Variants in RAET1E observed in about 807,000 individuals in gnomAD.
RAET1E encodes retinoic acid early transcript 1E, also known as NKG2D ligand 4.
In RAET1E, 27 loss-of-function variants were observed where a neutral mutation model predicts 21.1. The ratio of observed to expected loss-of-function variants is 1.28; its 90% CI spans 0.94 to 1.76. The LOEUF (loss-of-function observed/expected upper bound fraction) is 1.76, where lower values mean the gene tolerates loss of function less well. Among genes scored for constraint, RAET1E ranks in the 40% most tolerant of loss-of-function variants. The pLI is 0.00. For missense variants in RAET1E, 310 were observed against 311.3 expected (o/e 1.00, Z 0.03); for synonymous variants, 113 against 115.0 (o/e 0.98, Z 0.11).
In RAET1E at chr6:149,889,869, C is replaced by T. The variant is rs954640581; in HGVS notation, c.346+16G>A. On this transcript the variant is annotated intron_variant, in intron 4 of 5. Transcript: ENST00000357183. ...TTACTGCCTGCCTCTGTTTGCCCAC[C>T]CCATTCCACACTTACCACTGGTCTT... is the stretch of plus-strand genomic sequence containing the variant. The T allele has an allele frequency of 6.2e-7, 1 of 1,609,386 alleles. No homozygotes were observed. The highest frequency in any genetic ancestry group is 8.5e-7 in the Non-Finnish European group (1 of 1,176,590).
In RAET1E at chr6:149,890,992, G is replaced by C; in HGVS notation, c.-91C>G. ...AATGTTATCCAACAGCGTGGGTGTG[G>C]GCACTGCCCAAATTCTTTACCCTGG... On this transcript the variant is annotated 5_prime_UTR_variant, in exon 3 of 6. Transcript: ENST00000357183. The C allele has an allele frequency of 1.1e-6, 1 of 903,246 alleles. No individual in the cohort carries two copies. Among genetic ancestry groups the C allele is most frequent in the Middle Eastern group, 2.2e-4 (1 of 4,624 alleles). 56.0% of individuals were successfully genotyped at this position (903,246 alleles called of 1,614,324 possible).
intron 2 of RAET1E, among the ~76,000 whole-genome samples, chr6:149,893,329 A>G (rs149305536): frequency 0.014 from 2,105 of 152,274 alleles, 66 homozygotes; most frequent in African/African-American, 0.049. Context: ...CTTCCTATCC[A>G]TGAGCATGGA....
intron 3 of RAET1E, among the ~76,000 whole-genome samples, 199 bp downstream of exon 3, chr6:149,890,618 G>C (rs1654039293): frequency 6.6e-6 from 1 of 152,184 alleles, no homozygotes; most frequent in Non-Finnish European, 1.5e-5. Context: ...ACTGCCCTCT[G>C]TGAGCCAGTG....
rs568753926 is a variant in RAET1E, at chr6:149,892,101, G to A, written c.-133-1067C>T. Among the ~76,000 whole-genome samples, 3 of 152,296 alleles carry A rather than the reference G, an allele frequency of 2.0e-5. No homozygotes were observed. In the South Asian group the frequency reaches 6.2e-4, roughly 32 times the overall value. ...GCATAGTGTTCCATGGTGTATACGT[G>A]CCACATTTTCTTAATCTATCATTGA... On this transcript the variant is annotated intron_variant, in intron 2 of 5. Coordinates refer to ENST00000357183, the MANE Select transcript of RAET1E (RefSeq NM_001394057.1).
At chr6:149,890,590 G>T (rs901326653) in intron 3 of RAET1E, among the ~76,000 whole-genome samples, 2 of 152,122 alleles carry the variant, frequency 1.3e-5, no homozygotes, top group Admixed American at 6.5e-5. Context: ...AGTAGAAGGC[G>T]GGGGGTAGCA....
chr6:149,896,689 C>T lies in RAET1E; in HGVS notation c.-320-657G>A, dbSNP rs548231692. 7.9e-5 allele frequency among the ~76,000 whole-genome samples: 12 copies of T among 151,480 alleles called. No individual in the cohort carries two copies. The East Asian group carries it at 1.7e-3, about 22-fold the overall frequency. ...GTGCATGGGTGCTTGTGTGTGTGTG[C>T]GTGCATATGTGTGATATGACCACTG... On this transcript the variant is annotated intron_variant, in intron 1 of 5. Transcript: ENST00000357183.
At chr6:149,890,719 C>T (rs191117996) in intron 3 of RAET1E, 98 bp downstream of exon 3, 3 of 800,908 alleles carry the variant, frequency 3.7e-6, no homozygotes, top group South Asian at 2.9e-5. Context: ...AGAGCAGGCA[C>T]CCACTTGTCT....
intron 1 of RAET1E, among the ~76,000 whole-genome samples, chr6:149,896,896 T>A (rs1455963178): frequency 1.3e-5 from 2 of 152,168 alleles, no homozygotes; most frequent in Non-Finnish European, 2.9e-5. Context: ...CCACCTTTGT[T>A]GCCCTCTGTG....
rs933178824 is a variant in RAET1E at position 149,895,830 on chromosome 6, A to G, written c.-134+16T>C. The G allele has an allele frequency of 2.0e-5, 3 of 152,246 alleles. No homozygotes were observed. Among genetic ancestry groups the G allele is most frequent in the Non-Finnish European group, 4.4e-5 (3 of 68,046 alleles). 9.4% of individuals were successfully genotyped at this position (152,246 alleles called of 1,614,324 possible). ...AATAGACAAGGTGGCTGAAACACCA[A>G]GCATTTATTTCTTACCTTCCTGGAA... On this transcript the variant is annotated intron_variant, in intron 2 of 5. Coordinates refer to ENST00000357183, the MANE Select transcript of RAET1E (RefSeq NM_001394057.1).
In RAET1E at chr6:149,889,351, T is replaced by A; in HGVS notation, c.619A>T (p.Thr207Ser). The change falls in exon 5 of 6, where the codon ACA (threonine) becomes TCA (serine). Residue 207 changes from threonine (T) to serine (S), a missense_variant. Coordinates refer to ENST00000357183, the MANE Select transcript of RAET1E (RefSeq NM_001394057.1). Reference protein sequence around the residue: ...LGHWEAMPEPTVSPVNASDIH... With the variant: ...LGHWEAMPEPSVSPVNASDIH... ...TTCTCCCACCCAGCTCAGTTACCTG[T>A]CGGTTCTGGCATTGCCTCCCAGTGC... 3.7e-6 allele frequency: 6 copies of A among 1,614,076 alleles called. No individual in the cohort carries two copies. Among genetic ancestry groups the A allele is most frequent in the Non-Finnish European group, 5.1e-6 (6 of 1,179,984 alleles).
At chr6:149,889,116 C>A in intron 5 of RAET1E, 2 of 1,425,854 alleles carry the variant, frequency 1.4e-6, no homozygotes, top group Non-Finnish European at 1.8e-6. Context: ...GTCATTGTGA[C>A]TGGATCATTG....
chr6:149,891,869 C>A (rs1325734742), intron 2 of RAET1E, among the ~76,000 whole-genome samples: 1 of 152,078 alleles, frequency 6.6e-6, no homozygotes, highest in African/African-American at 2.4e-5. Flanking sequence ...CTAATGTTAC[C>A]CCTCTCCTAG....
At position 149,886,688 on chromosome 6, in the gene RAET1E, C is replaced by T. The variant is rs1777625403; in HGVS notation, c.*1810G>A. On this transcript the variant is annotated 3_prime_UTR_variant, in exon 6 of 6. Transcript: ENST00000357183. ...GGGATTACAGGAGTGAGCTATCACG[C>T]CCAGATGAGATTTATTTTATGATCC... is the stretch of plus-strand genomic sequence containing the variant. 6.6e-6 allele frequency among the ~76,000 whole-genome samples: 1 copy of T among 152,240 alleles called. No homozygotes were observed. The highest frequency in any genetic ancestry group is 2.4e-5 in the African/African-American group (1 of 41,470).
intron 1 of RAET1E, among the ~76,000 whole-genome samples, chr6:149,896,609 C>T (rs1031967304): frequency 2.6e-5 from 4 of 151,512 alleles, no homozygotes; most frequent in Non-Finnish European, 4.4e-5. Flanking sequence ...GGGACACCAG[C>T]GGGGGTGGGC....
At chr6:149,897,941 G>A (rs916499302) in intron 1 of RAET1E, 80 bp downstream of exon 1, 2 of 148,706 alleles carry the variant, frequency 1.3e-5, no homozygotes, top group African/African-American at 5.0e-5. Flanking sequence ...TCGAGCCCCT[G>A]CTTTCCTCCT....
At position 149,892,045 on chromosome 6, in the gene RAET1E, A is replaced by C. The variant is rs1398551843; in HGVS notation, c.-133-1011T>G. Among the ~76,000 whole-genome samples, 3 of 152,234 alleles carry C rather than the reference A, an allele frequency of 2.0e-5. No homozygotes were observed. In the South Asian group the frequency reaches 6.2e-4, roughly 31 times the overall value. On this transcript the variant is annotated intron_variant, in intron 2 of 5. Transcript: ENST00000357183. ...TTTCCAGCTTTATCCACGTCCCTGC[A>C]AAGGGCATAAACTCATCCCTTTTTA... is the stretch of plus-strand genomic sequence containing the variant.
rs1777637149 is a variant in RAET1E at position 149,886,953 on chromosome 6, C to T, written c.*1545G>A. 6.6e-6 allele frequency among the ~76,000 whole-genome samples: 1 copy of T among 152,160 alleles called. No homozygotes were observed. Among genetic ancestry groups the T allele is most frequent in the Non-Finnish European group, 1.5e-5 (1 of 68,042 alleles). On this transcript the variant is annotated 3_prime_UTR_variant, in exon 6 of 6. Coordinates refer to ENST00000357183, the MANE Select transcript of RAET1E (RefSeq NM_001394057.1). ...AATCCATGCGACACAGTGGGGAGGCCCTCCCCAAAGGGTGGCAGATATATT... is the reference window on the plus strand; with the variant it reads ...AATCCATGCGACACAGTGGGGAGGCTCTCCCCAAAGGGTGGCAGATATATT...
chr6:149,889,989 A>G lies in RAET1E; in HGVS notation c.242T>C (p.Val81Ala). The G allele has an allele frequency of 6.2e-7, 1 of 1,613,998 alleles. No homozygotes were observed. Among genetic ancestry groups the G allele is most frequent in the Non-Finnish European group, 8.5e-7 (1 of 1,180,010 alleles). Reference sequence around the variant, plus strand: ...TTCTCCCCAAGTGCTGGTGGCATATACCTTCTTCCCCAGGAGGCCCAGAGG... The same window carrying G: ...TTCTCCCCAAGTGCTGGTGGCATATGCCTTCTTCCCCAGGAGGCCCAGAGG... ...VKPLGLLGKK[V>A]YATSTWGELT... The change falls in exon 4 of 6, where the codon GTA (valine) becomes GCA (alanine). Residue 81 changes from valine (V) to alanine (A), a missense_variant. Transcript: ENST00000357183.
chr6:149,897,639 C>G (rs546271666), intron 1 of RAET1E, among the ~76,000 whole-genome samples: 78 of 152,154 alleles, frequency 5.1e-4, no homozygotes, highest in African/African-American at 1.8e-3. Flanking sequence ...GCTGTGGAAG[C>G]CTTGGCATAA....
Sources: gnomAD v4.1 joint callset for allele counts (sites outside exome capture counted in the v4.1 genomes callset) on GRCh38, gnomAD v4.1.1 for gene constraint, MANE v1.5 for transcripts, NCBI Gene and HGNC (gene_info 2026-07-23, HGNC 2026-07-21) for gene names.